Variants in TNS3 observed in about 807,000 individuals in gnomAD.
TNS3 encodes the protein tensin 3.
A neutral mutation model predicts 140.9 loss-of-function variants in TNS3; 45 were observed. The observed-to-expected ratio is 0.32, with a 90% CI of 0.25 to 0.41. The LOEUF (loss-of-function observed/expected upper bound fraction) is 0.41. TNS3 is among the 10% of genes least tolerant of loss of function. TNS3 has a pLI of 1.00. For synonymous variants in TNS3, 815 were observed against 788.4 expected (o/e 1.03, Z -0.56); for missense variants, 1,716 against 1,906.7 (o/e 0.90, Z 1.86).
At chr7:47,398,191 C>A (rs1584565085) in intron 15 of TNS3, among the ~76,000 whole-genome samples, 1 of 151,964 alleles carries the variant, frequency 6.6e-6, no homozygotes, top group Non-Finnish European at 1.5e-5. Flanking sequence ...TAAAAAAGAG[C>A]CCAGGGCCAG....
At chr7:47,404,169 A>G (rs1355594715) in intron 13 of TNS3, among the ~76,000 whole-genome samples, 1 of 152,194 alleles carries the variant, frequency 6.6e-6, no homozygotes, top group Non-Finnish European at 1.5e-5. Context: ...CACCACAACA[A>G]AGGCTGCGCA....
intron 16 of TNS3, among the ~76,000 whole-genome samples, chr7:47,394,809 C>A (rs1792732504): frequency 6.6e-6 from 1 of 152,250 alleles, no homozygotes; most frequent in South Asian, 2.1e-4. Flanking sequence ...CTGTGAGTGA[C>A]ATGCTGCAGG....
chr7:47,455,884 G>A lies in TNS3; in HGVS notation c.-75-13829C>T, dbSNP rs76759316. Among the ~76,000 whole-genome samples the A allele has an allele frequency of 0.023, 3,442 of 152,312 alleles. 250 individuals carry two copies. The East Asian group carries it at 0.24, about 11-fold the overall frequency. On this transcript the variant is annotated intron_variant, in intron 4 of 30. Transcript: ENST00000311160. ...GGCAGGAGGAGCAAATTCCTTCAGA[G>A]GACAGAGTCTGGGCAGAGAAATGGA...
chr7:47,347,634 C>T (rs67077489), intron 17 of TNS3, among the ~76,000 whole-genome samples: 17,005 of 151,894 alleles, frequency 0.11, 1,033 homozygotes, highest in East Asian at 0.18. Flanking sequence ...CATGGGACAT[C>T]TGCTCAGCAC....
In TNS3 at chr7:47,282,664, G is replaced by A. The variant is rs185242811; in HGVS notation, c.4097+1033C>T. ...GTATTTTGGTGCAGGATTGAAATAC[G>A]AGAGCATCAAGCATTGGGACCCTGC... On this transcript the variant is annotated intron_variant, in intron 28 of 30. Coordinates refer to ENST00000311160, the MANE Select transcript of TNS3 (RefSeq NM_022748.12). Among the ~76,000 whole-genome samples the A allele has an allele frequency of 1.8e-4, 27 of 152,276 alleles. No individual in the cohort carries two copies. The East Asian group carries it at 4.6e-3, about 26-fold the overall frequency.
chr7:47,557,353 C>T (rs10278429), intron 1 of TNS3, among the ~76,000 whole-genome samples: 3 of 152,174 alleles, frequency 2.0e-5, no homozygotes, highest in South Asian at 2.1e-4. Flanking sequence ...CTGCCTGCAG[C>T]GAGCTCACAA....
rs186609986 is a variant in TNS3 at position 47,489,198 on chromosome 7, G to A, written c.-114-8057C>T. ...ACGCAATTAAACCTTCTCAGCCTGC[G>A]GGCTGAGAACCGGGACAGGAGCGGA... is the stretch of plus-strand genomic sequence containing the variant. On this transcript the variant is annotated intron_variant, in intron 3 of 30. Coordinates refer to ENST00000311160, the MANE Select transcript of TNS3 (RefSeq NM_022748.12). 3.5e-3 allele frequency among the ~76,000 whole-genome samples: 531 copies of A among 152,200 alleles called. 4 individuals are homozygous for A. The highest frequency in any genetic ancestry group is 0.012 in the African/African-American group (497 of 41,522).
intron 1 of TNS3, among the ~76,000 whole-genome samples, chr7:47,543,637 T>C (rs1176111349): frequency 6.9e-6 from 1 of 144,678 alleles, no homozygotes; most frequent in Non-Finnish European, 1.5e-5. Flanking sequence ...TACTGCTTTG[T>C]CCTTTACACA....
At chr7:47,402,712 C>G (rs1793228666) in intron 13 of TNS3, among the ~76,000 whole-genome samples, 1 of 152,178 alleles carries the variant, frequency 6.6e-6, no homozygotes. Flanking sequence ...TGATAGCACC[C>G]ACCTTTCCCT....
At chr7:47,409,196 G>A (rs1335704477) in intron 13 of TNS3, among the ~76,000 whole-genome samples, 2 of 152,082 alleles carry the variant, frequency 1.3e-5, no homozygotes, top group African/African-American at 2.4e-5. Context: ...GAAGAGAGGG[G>A]AGAAGAGAAG....
At chr7:47,431,322 C>T (rs1013505782) in intron 8 of TNS3, among the ~76,000 whole-genome samples, 11 of 152,238 alleles carry the variant, frequency 7.2e-5, no homozygotes, top group African/African-American at 1.9e-4. Flanking sequence ...AGGCAGGGCG[C>T]GGTGGCTCAT....
At chr7:47,399,343 G>A (rs1182491489) in intron 15 of TNS3, among the ~76,000 whole-genome samples, 2 of 151,822 alleles carry the variant, frequency 1.3e-5, no homozygotes, top group African/African-American at 2.4e-5. Context: ...AATTCATATG[G>A]AACCAAAAAG....
At chr7:47,489,819 G>A (rs558816461) in intron 3 of TNS3, among the ~76,000 whole-genome samples, 17 of 152,274 alleles carry the variant, frequency 1.1e-4, no homozygotes, top group African/African-American at 3.8e-4. Flanking sequence ...GCACAGGATC[G>A]CTCGGGGGCC....
At chr7:47,393,138 A>C (rs1054353478) in intron 16 of TNS3, among the ~76,000 whole-genome samples, 3 of 152,238 alleles carry the variant, frequency 2.0e-5, no homozygotes, top group Admixed American at 2.0e-4. Context: ...TACTATGAGA[A>C]ATTACATGAT....
At chr7:47,331,651 C>T (rs765992473) in intron 20 of TNS3, among the ~76,000 whole-genome samples, 1 of 152,224 alleles carries the variant, frequency 6.6e-6, no homozygotes, top group Non-Finnish European at 1.5e-5. Flanking sequence ...TCTCACTTGC[C>T]TGGCTTTCAG....
chr7:47,302,066 C>T, intron 23 of TNS3, 120 bp downstream of exon 23: 1 of 773,786 alleles, frequency 1.3e-6, no homozygotes, highest in Non-Finnish European at 2.2e-6. Context: ...CCTGCTCAAA[C>T]TCAATCCATA....
In TNS3 at chr7:47,277,644, G is replaced by T; in HGVS notation, c.*432C>A. 1 of 269,790 alleles carries T rather than the reference G, an allele frequency of 3.7e-6. No homozygotes were observed. Among genetic ancestry groups the T allele is most frequent in the Admixed American group, 5.0e-5 (1 of 20,178 alleles). The allele number at this position is 269,790 out of a possible 1,614,324, so 16.7% of individuals were successfully genotyped here. On this transcript the variant is annotated 3_prime_UTR_variant, in exon 31 of 31. Transcript: ENST00000311160. ...AAACCCCCGGCCTCGGGTGCAGCTG[G>T]ACAGAAGCGCCCATGCGGACGGGCG...
Position 47,286,461 on chromosome 7 carries a change from T to C in TNS3, c.3929-2596A>G, listed in dbSNP as rs1785425771. Among the ~76,000 whole-genome samples the C allele has an allele frequency of 5.3e-5, 8 of 152,148 alleles. No homozygotes were observed. The South Asian group carries it at 1.7e-3, about 32-fold the overall frequency. On this transcript the variant is annotated intron_variant, in intron 27 of 30. Transcript: ENST00000311160. Reference sequence around the variant, plus strand: ...CAGGCATGCCTGCGCCTGCCTATGATTGTCCAACTGCACCTGACCCAAGAC... The same window carrying C: ...CAGGCATGCCTGCGCCTGCCTATGACTGTCCAACTGCACCTGACCCAAGAC...
intron 16 of TNS3, among the ~76,000 whole-genome samples, chr7:47,393,931 C>A (rs923174781): frequency 3.3e-5 from 5 of 152,066 alleles, no homozygotes; most frequent in Non-Finnish European, 7.3e-5. Flanking sequence ...GCCAGACCTT[C>A]TCTACTCGCC....
Sources: gnomAD v4.1 joint callset for allele counts (sites outside exome capture counted in the v4.1 genomes callset) on GRCh38, gnomAD v4.1.1 for gene constraint, MANE v1.5 for transcripts, NCBI Gene and HGNC (gene_info 2026-07-23, HGNC 2026-07-21) for gene names.